GPHN: variants seen among roughly 807,000 people sequenced by gnomAD.
GPHN encodes gephyrin.
A neutral mutation model predicts 95.5 loss-of-function variants in GPHN; 17 were observed. The ratio of observed to expected loss-of-function variants is 0.18; its 90% CI spans 0.12 to 0.27. The LOEUF is 0.27. GPHN is among the 10% of genes least tolerant of loss of function. The probability of loss-of-function intolerance (pLI) is 1.00; values close to 1 mark genes in which losing one functional copy is unlikely to be tolerated. For synonymous variants in GPHN, 320 were observed against 322.5 expected, an observed-to-expected ratio of 0.99 and a Z score of 0.08; for missense variants, 660 against 978.1, an observed-to-expected ratio of 0.67 and a Z score of 4.34.
chr14:67,020,359 A>G (rs1427091381), intron 9 of GPHN, among the ~76,000 whole-genome samples: 1 of 152,116 alleles, frequency 6.6e-6, no homozygotes, highest in Non-Finnish European at 1.5e-5. Flanking sequence ...ACACTGTGCT[A>G]TTCTTGTTAT....
At chr14:67,679,443 G>A in the GPHN span, among the ~76,000 whole-genome samples, 8 of 142,572 alleles carry the variant, frequency 5.6e-5, no homozygotes, top group East Asian at 6.1e-4. Flanking sequence ...TCACTCTGTC[G>A]CCCAGGCTGG....
chr14:66,533,865 C>T (rs1378583247), intron 1 of GPHN, among the ~76,000 whole-genome samples: 1 of 152,080 alleles, frequency 6.6e-6, no homozygotes, highest in Non-Finnish European at 1.5e-5. Context: ...TAAAATTAAG[C>T]AGTTTATTTC....
At chr14:66,709,837 G>A (rs1183711895) in intron 2 of GPHN, among the ~76,000 whole-genome samples, 1 of 152,008 alleles carries the variant, frequency 6.6e-6, no homozygotes, top group Non-Finnish European at 1.5e-5. Context: ...GTATCTTTTT[G>A]TCAAGTCAGG....
At chr14:67,137,187 C>A (rs992484697) in intron 17 of GPHN, among the ~76,000 whole-genome samples, 9 of 150,560 alleles carry the variant, frequency 6.0e-5, no homozygotes, top group Admixed American at 5.9e-4. Flanking sequence ...GCACTGTCAC[C>A]CAGGCTGGAG....
At chr14:66,791,656 T>C (rs1012011949) in intron 3 of GPHN, among the ~76,000 whole-genome samples, 1 of 152,230 alleles carries the variant, frequency 6.6e-6, no homozygotes, top group Non-Finnish European at 1.5e-5. Flanking sequence ...TGCTAATGCA[T>C]TACAATTAGT....
intron 5 of GPHN, among the ~76,000 whole-genome samples, chr14:66,914,270 A>G (rs2065806661): frequency 6.6e-6 from 1 of 152,142 alleles, no homozygotes; most frequent in Admixed American, 6.6e-5. Flanking sequence ...AAATTGGAAT[A>G]AAAAGAATTA....
the GPHN span, among the ~76,000 whole-genome samples, chr14:67,584,825 C>T: frequency 6.6e-6 from 1 of 152,064 alleles, no homozygotes; most frequent in Non-Finnish European, 1.5e-5. Flanking sequence ...ATTTTTTTCT[C>T]TATGTATTTA....
At chr14:67,081,136 T>C (rs2076679619) in intron 11 of GPHN, among the ~76,000 whole-genome samples, 1 of 152,222 alleles carries the variant, frequency 6.6e-6, no homozygotes, top group South Asian at 2.1e-4. Context: ...AGTAGTGGGA[T>C]TGCTGGATCA....
chr14:67,298,691 A>G, the GPHN span, among the ~76,000 whole-genome samples: 1 of 152,160 alleles, frequency 6.6e-6, no homozygotes, highest in Non-Finnish European at 1.5e-5. Context: ...ATGCACTTAA[A>G]ATGAGTGTGT....
chr14:66,840,907 A>G (rs2062048895), intron 4 of GPHN, among the ~76,000 whole-genome samples: 1 of 150,756 alleles, frequency 6.6e-6, no homozygotes, highest in Non-Finnish European at 1.5e-5. Context: ...ATTGAGATTG[A>G]GAGAGGAAGC....
At chr14:67,465,247 C>T in the GPHN span, among the ~76,000 whole-genome samples, 2 of 152,210 alleles carry the variant, frequency 1.3e-5, no homozygotes, top group African/African-American at 4.8e-5. Context: ...TTTAAGTGAG[C>T]TCATCAGTCT....
chr14:67,616,193 C>CT, the GPHN span: 66 of 230,778 alleles, frequency 2.9e-4, no homozygotes, highest in Admixed American at 2.7e-3. Context: ...AAATGTAAGA[C>CT]TTGTTTTTAA....
intron 1 of GPHN, among the ~76,000 whole-genome samples, chr14:66,555,361 G>T (rs1235686123): frequency 6.6e-6 from 1 of 151,934 alleles, no homozygotes; most frequent in African/African-American, 2.4e-5. Flanking sequence ...TTATCAATAG[G>T]CAAATGAAGT....
chr14:67,047,334 T>TTGTGTG (rs778266656), intron 10 of GPHN, among the ~76,000 whole-genome samples: 7,183 of 109,534 alleles, frequency 0.066, 400 homozygotes, highest in African/African-American at 0.15. Flanking sequence ...GTGTGTGTGT[T>TTGTGTG]TGTGTGTGTG....
chr14:66,751,978 A>G (rs1325626549), intron 2 of GPHN, among the ~76,000 whole-genome samples: 1 of 152,138 alleles, frequency 6.6e-6, no homozygotes, highest in East Asian at 1.9e-4. Flanking sequence ...TCTTCTGGAT[A>G]ACTTACTGCA....
intron 3 of GPHN, among the ~76,000 whole-genome samples, chr14:66,781,993 C>CATTTTCT (rs1255520294): frequency 6.6e-6 from 1 of 152,076 alleles, no homozygotes; most frequent in Admixed American, 6.6e-5. Flanking sequence ...ATCTTGAATG[C>CATTTTCT]ATTTATTTTA....
chr14:67,336,742 T>C, the GPHN span: 1 of 455,956 alleles, frequency 2.2e-6, no homozygotes, highest in Non-Finnish European at 4.4e-6. Context: ...CAGCAGGCTG[T>C]TGGGAAGACG....
At chr14:67,194,780 C>T in the GPHN span, among the ~76,000 whole-genome samples, 1 of 152,180 alleles carries the variant, frequency 6.6e-6, no homozygotes, top group African/African-American at 2.4e-5. Flanking sequence ...GCCTCAGTCT[C>T]TCGAGTAGCT....
chr14:66,919,034 T>G (rs934029878), intron 6 of GPHN, among the ~76,000 whole-genome samples: 15 of 152,224 alleles, frequency 9.9e-5, no homozygotes, highest in African/African-American at 3.6e-4. Context: ...TTCTTACCTA[T>G]TCTCTTTTGG....
Sources: gnomAD v4.1 joint callset for allele counts (sites outside exome capture counted in the v4.1 genomes callset) on GRCh38, gnomAD v4.1.1 for gene constraint, MANE v1.5 for transcripts, NCBI Gene and HGNC (gene_info 2026-07-23, HGNC 2026-07-21) for gene names.